The following SLC6A19 variants were observed in gnomAD, a reference collection of about 807,000 sequenced individuals.
SLC6A19 encodes the protein solute carrier family 6 member 19, also known as sodium-dependent neutral amino acid transporter B(0)AT1.
SLC6A19 carries 67 observed loss-of-function variants against 68.3 expected under a neutral mutation model. That is an observed-to-expected ratio of 0.98 (90% CI 0.81 to 1.20). The LOEUF (loss-of-function observed/expected upper bound fraction) is 1.20, where lower values mean the gene tolerates loss of function less well. Among genes scored for constraint, SLC6A19 ranks in the 50% most tolerant of loss-of-function variants. The pLI, the probability that SLC6A19 is intolerant of heterozygous loss-of-function variation, is 0.00. For missense variants in SLC6A19, 813 were observed against 851.6 expected (o/e 0.95, Z 0.56); for synonymous variants, 392 against 374.9 (o/e 1.05, Z -0.53).
chr5:1,201,809 C>A lies in SLC6A19; in HGVS notation c.159C>A (p.Gly53=), dbSNP rs1476429416. 8 of 1,612,262 alleles carry A rather than the reference C, an allele frequency of 5.0e-6. No individual in the cohort carries two copies. The highest frequency in any genetic ancestry group is 6.8e-6 in the Non-Finnish European group (8 of 1,179,892). The part of the protein sequence containing the change: ...LTCLGFCVGL[G]NVWRFPYLCQ... ...GCCTGGGCTTCTGCGTGGGCCTCGG[C>A]AACGTGTGGCGCTTCCCCTACCTGT... The change falls in exon 1 of 12, where the codon GGC becomes GGA. Residue 53 remains glycine (G), a synonymous_variant. Transcript: ENST00000304460.
intron 1 of SLC6A19, among the ~76,000 whole-genome samples, chr5:1,202,170 G>A (rs918808803): frequency 5.9e-5 from 9 of 152,216 alleles, no homozygotes; most frequent in African/African-American, 9.7e-5. Context: ...TGTTTCTCCC[G>A]GTACAGCCCC....
intron 1 of SLC6A19, among the ~76,000 whole-genome samples, chr5:1,206,814 C>T (rs528002016): frequency 6.6e-6 from 1 of 152,292 alleles, no homozygotes; most frequent in African/African-American, 2.4e-5. Flanking sequence ...GGGTCAGCCA[C>T]CACGGGACAC....
At chr5:1,218,216 C>T (rs972480919) in intron 8 of SLC6A19, among the ~76,000 whole-genome samples, 4 of 152,220 alleles carry the variant, frequency 2.6e-5, no homozygotes, top group South Asian at 2.1e-4. Context: ...TTGTGTTAAG[C>T]GGCCGTGGAG....
rs189979279 is a variant in SLC6A19, at chr5:1,222,802, T to A, written c.*898T>A. Reference sequence around the variant, plus strand: ...CCCTCTGTGTTTGTCCTTGCCACAGTCACGGGGTGCATGTGCAGAGGGGAG... The same window carrying A: ...CCCTCTGTGTTTGTCCTTGCCACAGACACGGGGTGCATGTGCAGAGGGGAG... On this transcript the variant is annotated 3_prime_UTR_variant, in exon 12 of 12. Coordinates refer to ENST00000304460, the MANE Select transcript of SLC6A19 (RefSeq NM_001003841.3). 38 of 152,826 alleles carry A rather than the reference T, an allele frequency of 2.5e-4. No individual in the cohort carries two copies. Among genetic ancestry groups the A allele is most frequent in the African/African-American group, 6.3e-4 (26 of 41,590 alleles). The allele number at this position is 152,826 out of a possible 1,614,324, so 9.5% of individuals were successfully genotyped here.
chr5:1,222,064 T>C lies in SLC6A19; in HGVS notation c.*160T>C, dbSNP rs761292241. ...TACACGCATGTGCCATGTGTGCAGA[T>C]ATGTATCGTGTGTGCATGTACATGC... On this transcript the variant is annotated 3_prime_UTR_variant, in exon 12 of 12. Transcript: ENST00000304460. The C allele has an allele frequency of 1.6e-5, 13 of 801,714 alleles. No individual in the cohort carries two copies. Among genetic ancestry groups the C allele is most frequent in the Non-Finnish European group, 2.2e-5 (11 of 501,422 alleles). The allele number at this position is 801,714 out of a possible 1,614,324, so 49.7% of individuals were successfully genotyped here.
At position 1,224,157 on chromosome 5, in the gene SLC6A19, T is replaced by G. The variant is rs1746479055; in HGVS notation, c.*2253T>G. On this transcript the variant is annotated 3_prime_UTR_variant, in exon 12 of 12. Transcript: ENST00000304460. ...CCTGCCAGGCGTGCACAGGTGTGCATTGGTGTACCCTGGCATGCACAGGTG... is the reference window on the plus strand; with the variant it reads ...CCTGCCAGGCGTGCACAGGTGTGCAGTGGTGTACCCTGGCATGCACAGGTG... 6.6e-6 allele frequency: 1 copy of G among 152,268 alleles called. No homozygotes were observed. Among genetic ancestry groups the G allele is most frequent in the African/African-American group, 2.4e-5 (1 of 41,464 alleles). The allele number at this position is 152,268 out of a possible 1,614,324, so 9.4% of individuals were successfully genotyped here.
chr5:1,210,647 C>T (rs973596197), intron 3 of SLC6A19, 66 bp downstream of exon 3: 10 of 1,602,118 alleles, frequency 6.2e-6, no homozygotes, highest in South Asian at 4.4e-5. Flanking sequence ...ATAGCAGGCA[C>T]ATGGCCTCAG....
rs1405927400 is a variant in SLC6A19, at chr5:1,222,108, T to C, written c.*204T>C. On this transcript the variant is annotated 3_prime_UTR_variant, in exon 12 of 12. Transcript: ENST00000304460. The stretch of plus-strand genomic sequence containing the variant: ...TACATGCATGGGCACTGTGTGAGTG[T>C]GCACGTGTATGCACACATATACATG... 1.6e-6 allele frequency: 1 copy of C among 622,322 alleles called. No homozygotes were observed. The highest frequency in any genetic ancestry group is 2.8e-6 in the Non-Finnish European group (1 of 352,476). 38.6% of individuals were successfully genotyped at this position (622,322 alleles called of 1,614,324 possible). A position where few individuals can be genotyped will look rare whatever the true frequency, so the allele number is the denominator to read the frequency against.
chr5:1,210,948 G>A (rs936083370), intron 3 of SLC6A19, among the ~76,000 whole-genome samples: 2 of 152,210 alleles, frequency 1.3e-5, no homozygotes, highest in African/African-American at 4.8e-5. Context: ...GCGTTGCTCC[G>A]CACAGGTGGG....
rs531114180 is a variant in SLC6A19 at position 1,212,843 on chromosome 5, T to C, written c.663+359T>C. Among the ~76,000 whole-genome samples, 1 of 152,208 alleles carries C rather than the reference T, an allele frequency of 6.6e-6. No individual in the cohort carries two copies. Among genetic ancestry groups the C allele is most frequent in the East Asian group, 1.9e-4 (1 of 5,180 alleles). On this transcript the variant is annotated intron_variant, in intron 4 of 11. Coordinates refer to ENST00000304460, the MANE Select transcript of SLC6A19 (RefSeq NM_001003841.3). This position sits in a 1 kb window ranked among gnomAD's most constrained non-coding sequence, Gnocchi z 5.1. ...GAAAGTGGAAATGGAAGAGTAAGGC[T>C]TGATCTTCCCCTACATGGGAATCTT...
At chr5:1,204,569 G>T (rs368746894) in intron 1 of SLC6A19, among the ~76,000 whole-genome samples, 1 of 152,188 alleles carries the variant, frequency 6.6e-6, no homozygotes, top group Non-Finnish European at 1.5e-5. Flanking sequence ...AGGCGGAGAC[G>T]CATTCATGCC....
Position 1,214,083 on chromosome 5 carries a change from G to A in SLC6A19, c.887+18G>A. On this transcript the variant is annotated intron_variant, in intron 6 of 11. Transcript: ENST00000304460. The surrounding 1 kb of genome is among the most constrained non-coding windows in gnomAD (Gnocchi z 7.4). ...TCTGTGCAGTGAGTGCGGGTGTGGT[G>A]GGCCTCAGTTTCCCTCTCAGTCCTG... is the stretch of plus-strand genomic sequence containing the variant. 6.2e-7 allele frequency: 1 copy of A among 1,613,658 alleles called. No individual in the cohort carries two copies.
chr5:1,221,862 C>A lies in SLC6A19; in HGVS notation c.1863C>A (p.Ser621Arg), dbSNP rs1384126621. 2 of 1,614,176 alleles carry A rather than the reference C, an allele frequency of 1.2e-6. No homozygotes were observed. Among genetic ancestry groups the A allele is most frequent in the Admixed American group, 1.7e-5 (1 of 60,032 alleles). Reference sequence around the variant, plus strand: ...CAGGGGACCATCAGGGGCTGGTGAGCACACTGTCCACAGCCTCCATGAACG... The same window carrying A: ...CAGGGGACCATCAGGGGCTGGTGAGAACACTGTCCACAGCCTCCATGAACG... ...QKPGDHQGLV[S>R]TLSTASMNGD... The change falls in exon 12 of 12, where the codon AGC (serine) becomes AGA (arginine). Residue 621 changes from serine (S) to arginine (R), a missense_variant. Physicochemically the swap from Ser to Arg is moderately radical, Grantham distance 110. Transcript: ENST00000304460.
intron 8 of SLC6A19, 101 bp from the exon 9 acceptor site, chr5:1,218,802 G>A (rs1342957285): frequency 4.9e-6 from 6 of 1,229,288 alleles, no homozygotes; most frequent in East Asian, 2.3e-5. Context: ...AGACCTGCCC[G>A]CCCCATGCTG....
At position 1,201,671 on chromosome 5, in the gene SLC6A19, C is replaced by A; in HGVS notation, c.21C>A (p.Pro7=). The A allele has an allele frequency of 1.2e-6, 2 of 1,608,370 alleles. No homozygotes were observed. Among genetic ancestry groups the A allele is most frequent in the Non-Finnish European group, 1.7e-6 (2 of 1,179,612 alleles). The change falls in exon 1 of 12, where the codon CCC becomes CCA. Residue 7 remains proline (P), a synonymous_variant. Coordinates refer to ENST00000304460, the MANE Select transcript of SLC6A19 (RefSeq NM_001003841.3). MVRLVL[P]NPGLDARIPS... is the part of the protein sequence containing the mutation. ...CCACCATGGTGAGGCTCGTGCTGCC[C>A]AACCCCGGCCTAGACGCCCGGATCC...
At chr5:1,203,544 C>T (rs537593629) in intron 1 of SLC6A19, among the ~76,000 whole-genome samples, 1 of 152,338 alleles carries the variant, frequency 6.6e-6, no homozygotes, top group East Asian at 1.9e-4. Context: ...CTCCCCAGAC[C>T]CCAGACAAGC....
At chr5:1,205,400 C>T (rs551038753) in intron 1 of SLC6A19, among the ~76,000 whole-genome samples, 6 of 152,378 alleles carry the variant, frequency 3.9e-5, no homozygotes, top group East Asian at 1.9e-4. Flanking sequence ...TGGCTGCCTC[C>T]GGGCTGCATT....
chr5:1,205,045 GC>G (rs1161392440), intron 1 of SLC6A19, among the ~76,000 whole-genome samples: 1 of 152,190 alleles, frequency 6.6e-6, no homozygotes, highest in Non-Finnish European at 1.5e-5. Context: ...CCCTCTGGGT[GC>G]TTTCCATTTG....
At chr5:1,202,440 C>T (rs1745734457) in intron 1 of SLC6A19, among the ~76,000 whole-genome samples, 1 of 152,176 alleles carries the variant, frequency 6.6e-6, no homozygotes, top group South Asian at 2.1e-4. Flanking sequence ...CTCCTGCGGC[C>T]CAGGTAGGCA....
Sources: allele counts gnomAD v4.1 joint callset (sites outside exome capture counted in the v4.1 genomes callset), GRCh38; gene constraint gnomAD v4.1.1; non-coding constraint Gnocchi (gnomAD v3.1); transcripts MANE v1.5; gene names NCBI Gene and HGNC (gene_info 2026-07-23, HGNC 2026-07-21).